GLUD1: variants seen among roughly 807,000 people sequenced by gnomAD.
GLUD1 encodes the protein glutamate dehydrogenase 1, mitochondrial.
In GLUD1, 22 loss-of-function variants were observed where a neutral mutation model predicts 56.0. The observed-to-expected ratio is 0.39, with a 90% CI of 0.28 to 0.56. GLUD1 has a LOEUF of 0.56. Among genes scored for constraint, GLUD1 ranks in the 20% least tolerant of loss-of-function variants. The pLI is 0.58. For synonymous variants in GLUD1, 223 were observed against 269.9 expected (o/e 0.83, Z 1.70); for missense variants, 451 against 732.0 (o/e 0.62, Z 4.43).
chr10:87,081,875 C>T (rs1368774262), intron 1 of GLUD1, among the ~76,000 whole-genome samples: 2 of 148,328 alleles, frequency 1.3e-5, no homozygotes, highest in Non-Finnish European at 3.0e-5. Flanking sequence ...TATCTGCTGA[C>T]CTTCCCTCCA....
Position 87,050,751 on chromosome 10 carries a change from G to C in GLUD1, c.*1000C>G, listed in dbSNP as rs1449514440. 3 of 152,244 alleles carry C rather than the reference G, an allele frequency of 2.0e-5. No homozygotes were observed. Among genetic ancestry groups the C allele is most frequent in the Non-Finnish European group, 4.4e-5 (3 of 68,046 alleles). The allele number at this position is 152,244 out of a possible 1,614,324, so 9.4% of individuals were successfully genotyped here. A position where few individuals can be genotyped will look rare whatever the true frequency, so the allele number is the denominator to read the frequency against. On this transcript the variant is annotated 3_prime_UTR_variant, in exon 13 of 13. Transcript: ENST00000277865. ...GCAGAATGCAAAGCCTCTAAAAGGA[G>C]AGGATACAAAGTCAGGTGAGTAGGG...
chr10:87,053,279 A>G (rs1479779848), intron 12 of GLUD1, 63 bp downstream of exon 12: 1 of 1,045,728 alleles, frequency 9.6e-7, no homozygotes, highest in Non-Finnish European at 1.5e-6. Flanking sequence ...GGCGGCTGAG[A>G]TAGCATGGTT....
intron 1 of GLUD1, among the ~76,000 whole-genome samples, chr10:87,080,524 G>T (rs1228147317): frequency 6.6e-6 from 1 of 151,908 alleles, no homozygotes; most frequent in Non-Finnish European, 1.5e-5. Flanking sequence ...ATCCCATCTA[G>T]GAAGTGAGGA....
At chr10:87,067,750 C>T (rs1323294756) in intron 5 of GLUD1, 1 of 355,964 alleles carries the variant, frequency 2.8e-6, no homozygotes, top group Non-Finnish European at 5.5e-6. Flanking sequence ...CACCTTAGTT[C>T]CTCTTTAAAT....
chr10:87,057,743 T>G lies in GLUD1; in HGVS notation c.1442A>C (p.His481Pro). 6.3e-7 allele frequency: 1 copy of G among 1,597,824 alleles called. No homozygotes were observed. Among genetic ancestry groups the G allele is most frequent in the Non-Finnish European group, 8.6e-7 (1 of 1,165,706 alleles). Residue 481 changes from histidine to proline, a missense_variant, in exon 11 of 13, where the codon CAT becomes CCT. Coordinates refer to ENST00000277865, the MANE Select transcript of GLUD1 (RefSeq NM_005271.5). Reference protein sequence around the residue: ...QESLERKFGKHGGTIPIVPTA... With the variant: ...QESLERKFGKPGGTIPIVPTA... Reference sequence around the variant, plus strand: ...GGGTACAATGGGAATAGTTCCACCATGCTTTCCAAATTTTCTTTCTAAACT... The same window carrying G: ...GGGTACAATGGGAATAGTTCCACCAGGCTTTCCAAATTTTCTTTCTAAACT...
intron 2 of GLUD1, 79 bp from the exon 3 acceptor site, chr10:87,076,102 G>A (rs1252404242): frequency 1.0e-6 from 1 of 956,240 alleles, no homozygotes; most frequent in Non-Finnish European, 1.7e-6. Context: ...CACAATATTA[G>A]AGAAACGTGA....
In GLUD1 at chr10:87,051,796, C is replaced by T. The variant is rs775851718; in HGVS notation, c.1632G>A (p.Glu544=). 5 of 1,613,470 alleles carry T rather than the reference C, an allele frequency of 3.1e-6. No homozygotes were observed. In the South Asian group the frequency reaches 5.5e-5, roughly 18 times the overall value. Reference sequence around the variant, plus strand: ...CTTCATTGTACACTTTGAAGACTTTCTCAATGGCATTAACATAGGCAGCTG... The same window carrying T: ...CTTCATTGTACACTTTGAAGACTTTTTCAATGGCATTAACATAGGCAGCTG... The part of the protein sequence containing the change: ...LRTAAYVNAI[E]KVFKVYNEAG... The change falls in exon 13 of 13, where the codon GAG becomes GAA. Residue 544 remains glutamate (E), a synonymous_variant. Coordinates refer to ENST00000277865, the MANE Select transcript of GLUD1 (RefSeq NM_005271.5).
Position 87,060,172 on chromosome 10 carries a change from T to C in GLUD1, c.1267A>G (p.Met423Val), listed in dbSNP as rs1298407488. Reference sequence around the variant, plus strand: ...TATAGATGACTTACTGGAATAACCATAATGTTTCTCTCCAGGAAGATCTTG... The same window carrying C: ...TATAGATGACTTACTGGAATAACCACAATGTTTCTCTCCAGGAAGATCTTG... ...ADKIFLERNI[M>V]VIPDLYLNAG... Residue 423 changes from methionine to valine, a missense_variant, in exon 9 of 13, where the codon ATG (methionine) becomes GTG (valine). Transcript: ENST00000277865. The C allele has an allele frequency of 1.8e-5, 28 of 1,597,778 alleles. No homozygotes were observed. The highest frequency in any genetic ancestry group is 8.6e-7 in the Non-Finnish European group (1 of 1,165,196).
chr10:87,062,996 C>T (rs920105389), intron 5 of GLUD1, among the ~76,000 whole-genome samples, 161 bp from the exon 6 acceptor site: 2 of 151,904 alleles, frequency 1.3e-5, no homozygotes, highest in African/African-American at 4.8e-5. Context: ...CCAATAGAGA[C>T]AAGACTCACT....
chr10:87,081,558 G>A (rs1445441556), intron 1 of GLUD1, among the ~76,000 whole-genome samples: 6 of 152,076 alleles, frequency 3.9e-5, no homozygotes, highest in African/African-American at 7.2e-5. Context: ...GTGTCTGTGT[G>A]GAAAGAAGTA....
In GLUD1 at chr10:87,059,182, T is replaced by A. The variant is rs754345029; in HGVS notation, c.1370A>T (p.Lys457Ile). 1 of 1,613,570 alleles carries A rather than the reference T, an allele frequency of 6.2e-7. No individual in the cohort carries two copies. The highest frequency in any genetic ancestry group is 8.5e-7 in the Non-Finnish European group (1 of 1,180,012). Residue 457 changes from lysine (K) to isoleucine (I), a missense_variant, in exon 10 of 13, where the codon AAA becomes ATA. Physicochemically the swap from Lys to Ile is moderately radical, Grantham distance 102. Around this residue, in one of 4 missense-constraint regions of GLUD1, gnomAD observed 248 missense variants for 460.0 expected, o/e 0.54. Coordinates refer to ENST00000277865, the MANE Select transcript of GLUD1 (RefSeq NM_005271.5). ...NHVSYGRLTF[K>I]YERDSNYHLL... ...GTGGTAGTTAGAATCCCTTTCATAT[T>A]TGAAGGTCAAACGGCCATAGCTGAC...
rs1004883052 is a variant in GLUD1, at chr10:87,090,396, TGA to T, written c.445+3927_445+3928del. On this transcript the variant is annotated intron_variant, in intron 1 of 12. Coordinates refer to ENST00000277865, the MANE Select transcript of GLUD1 (RefSeq NM_005271.5). ...TTCTTACAAAGTATACTTTGGATAA[TGA>T]GTGAGCAGCTGTTTGTCTTCCTGCA... Among the ~76,000 whole-genome samples, 31 of 152,298 alleles carry T rather than the reference TGA, an allele frequency of 2.0e-4. 1 individual carries two copies. The highest frequency in any genetic ancestry group is 6.7e-4 in the African/African-American group (28 of 41,568).
In GLUD1 at chr10:87,054,727, A is replaced by G. The variant is rs79999411; in HGVS notation, c.1495-1323T>C. 7.9e-5 allele frequency among the ~76,000 whole-genome samples: 12 copies of G among 152,304 alleles called. No individual in the cohort carries two copies. In the East Asian group the frequency reaches 2.3e-3, roughly 29 times the overall value. On this transcript the variant is annotated intron_variant, in intron 11 of 12. Coordinates refer to ENST00000277865, the MANE Select transcript of GLUD1 (RefSeq NM_005271.5). ...GGGGAAGTGGGATTAAGATTTATAC[A>G]TTTTTTAAAACAGCATTTGGTAAGC...
intron 11 of GLUD1, among the ~76,000 whole-genome samples, chr10:87,056,292 CTTTT>C (rs556387150): frequency 3.0e-5 from 4 of 135,280 alleles, no homozygotes; most frequent in East Asian, 4.2e-4. Context: ...TACACCGTTT[CTTTT>C]TTTTTTTTTT....
chr10:87,094,170 C>T lies in GLUD1; in HGVS notation c.445+155G>A. On this transcript the variant is annotated intron_variant, in intron 1 of 12. Coordinates refer to ENST00000277865, the MANE Select transcript of GLUD1 (RefSeq NM_005271.5). This position sits in a 1 kb window ranked among gnomAD's most constrained non-coding sequence, Gnocchi z 6.6. Reference sequence around the variant, plus strand: ...GGCGGAAAAATCACCATCCACAGAGCCGGCCACATCCGAGGCGGGGTGACC... The same window carrying T: ...GGCGGAAAAATCACCATCCACAGAGTCGGCCACATCCGAGGCGGGGTGACC... 1 of 1,388,996 alleles carries T rather than the reference C, an allele frequency of 7.2e-7. No individual in the cohort carries two copies. The highest frequency in any genetic ancestry group is 2.6e-5 in the Admixed American group (1 of 38,684). The allele number at this position is 1,388,996 out of a possible 1,614,324, so 86.0% of individuals were successfully genotyped here.
intron 12 of GLUD1, among the ~76,000 whole-genome samples, chr10:87,052,245 G>T (rs1845651775): frequency 6.6e-6 from 1 of 152,186 alleles, no homozygotes; most frequent in African/African-American, 2.4e-5. Context: ...CCAGCACTTT[G>T]GGAGGCTGAG....
chr10:87,053,702 G>A (rs1845696869), intron 11 of GLUD1, among the ~76,000 whole-genome samples: 1 of 152,206 alleles, frequency 6.6e-6, no homozygotes, highest in African/African-American at 2.4e-5. Context: ...AGGGCATGGA[G>A]TGAGATGAGC....
rs975909670 is a variant in GLUD1, at chr10:87,052,813, C to A, written c.1557+529G>T. Among the ~76,000 whole-genome samples the A allele has an allele frequency of 2.0e-5, 3 of 151,466 alleles. No homozygotes were observed. In the South Asian group the frequency reaches 6.3e-4, roughly 32 times the overall value. ...TATACCACATACACCCTATCTCGAT[C>A]AAAAATTAACAAGAAAAACAACAGC... On this transcript the variant is annotated intron_variant, in intron 12 of 12. Transcript: ENST00000277865.
chr10:87,073,307 T>C (rs1345328299), intron 4 of GLUD1, among the ~76,000 whole-genome samples: 3 of 152,050 alleles, frequency 2.0e-5, no homozygotes, highest in Non-Finnish European at 2.9e-5. Context: ...GCATGCACCA[T>C]CACGCTTGGA....
Sources: allele counts gnomAD v4.1 joint callset (sites outside exome capture counted in the v4.1 genomes callset), GRCh38; gene constraint gnomAD v4.1.1; regional missense constraint gnomAD v4.1.1; non-coding constraint Gnocchi (gnomAD v3.1); transcripts MANE v1.5; gene names NCBI Gene and HGNC (gene_info 2026-07-23, HGNC 2026-07-21).